NFIX: variants seen among roughly 807,000 people sequenced by gnomAD.
The protein encoded by NFIX is nuclear factor I X, also known as nuclear factor 1 X-type.
NFIX carries 2 observed loss-of-function variants against 53.3 expected under a neutral mutation model. The observed-to-expected ratio is 0.04, with a 90% CI of 0.02 to 0.12. The LOEUF is 0.12. Ranked by LOEUF, NFIX falls within the 10% of genes least tolerant of loss-of-function variation. The pLI is 1.00. For synonymous variants in NFIX, 244 were observed against 289.0 expected (o/e 0.84, Z 1.58); for missense variants, 310 against 674.5 (o/e 0.46, Z 5.99).
In NFIX at chr19:13,089,787, G is replaced by A. The variant is rs556506641; in HGVS notation, c.1403-512G>A. ...GTTGGAGAGGTAGCCTGGCTGGGAA[G>A]GCCTTCCCGAAGCAGGGTGGGGCCG... is the stretch of plus-strand genomic sequence containing the variant. On this transcript the variant is annotated intron_variant, in intron 9 of 10. Transcript: ENST00000592199. The surrounding 1 kb of genome is among the most constrained non-coding windows in gnomAD (Gnocchi z 4.8). Among the ~76,000 whole-genome samples the A allele has an allele frequency of 2.4e-4, 36 of 152,258 alleles. No homozygotes were observed. The highest frequency in any genetic ancestry group is 8.2e-4 in the African/African-American group (34 of 41,566).
chr19:13,002,383 C>T lies in NFIX; in HGVS notation c.27+6519C>T. 6.6e-6 allele frequency among the ~76,000 whole-genome samples: 1 copy of T among 152,050 alleles called. No individual in the cohort carries two copies. The highest frequency in any genetic ancestry group is 6.5e-5 in the Admixed American group (1 of 15,270). ...GGGCTAGCTCCCCAACCCCCCCTTC[C>T]TCACCACCTCCCCCCTCCCGAGGAG... On this transcript the variant is annotated intron_variant, in intron 1 of 10. Transcript: ENST00000592199. This position sits in a 1 kb window ranked among gnomAD's most constrained non-coding sequence, Gnocchi z 6.1.
chr19:13,022,576 C>T lies in NFIX; in HGVS notation c.28-2445C>T, dbSNP rs2012997325. Among the ~76,000 whole-genome samples the T allele has an allele frequency of 6.6e-6, 1 of 151,668 alleles. No homozygotes were observed. Among genetic ancestry groups the T allele is most frequent in the African/African-American group, 2.4e-5 (1 of 41,232 alleles). ...CGGGGAGGAAAACTTCCACTCGCCC[C>T]TGTGTGCTCCATAGGAAGAAAAAAA... On this transcript the variant is annotated intron_variant, in intron 1 of 10. Transcript: ENST00000592199. This position sits in a 1 kb window ranked among gnomAD's most constrained non-coding sequence, Gnocchi z 4.5.
intron 2 of NFIX, among the ~76,000 whole-genome samples, chr19:13,056,451 A>C (rs924986283): frequency 6.6e-5 from 10 of 152,164 alleles, no homozygotes; most frequent in African/African-American, 2.2e-4. Context: ...GGCTGGGCCC[A>C]CATAGGGTGG....
chr19:13,024,539 G>T, intron 1 of NFIX: 5 of 1,527,124 alleles, frequency 3.3e-6, no homozygotes, highest in Non-Finnish European at 4.4e-6. Context: ...GACCAGAGGC[G>T]GCCCCGCACG....
chr19:13,069,530 T>A (rs2016639545), intron 2 of NFIX, among the ~76,000 whole-genome samples: 1 of 152,130 alleles, frequency 6.6e-6, no homozygotes, highest in Non-Finnish European at 1.5e-5. Flanking sequence ...GGGCAGGGGC[T>A]CACTCATGTA....
chr19:13,008,915 G>C (rs1024000222), intron 1 of NFIX, among the ~76,000 whole-genome samples: 2 of 152,216 alleles, frequency 1.3e-5, no homozygotes, highest in African/African-American at 2.4e-5. Context: ...AGGCCCAAGA[G>C]GAAACCGGAG....
At chr19:13,085,886 T>G (rs976898191) in intron 8 of NFIX, among the ~76,000 whole-genome samples, 1 of 152,200 alleles carries the variant, frequency 6.6e-6, no homozygotes, top group Non-Finnish European at 1.5e-5. Context: ...TTAGTGGTAC[T>G]TGAGTGCTGC....
rs746605678 is a variant in NFIX, at chr19:13,024,699, A to G, written c.28-322A>G. 32 of 1,536,390 alleles carry G rather than the reference A, an allele frequency of 2.1e-5. No individual in the cohort carries two copies. Among genetic ancestry groups the G allele is most frequent in the Admixed American group, 1.6e-4 (8 of 50,992 alleles). The stretch of plus-strand genomic sequence containing the variant: ...CAGCAGCGTGTGTGTGTGGACGGCA[A>G]CGTTGTCTGTGCGCGTGTGTGTGAG... On this transcript the variant is annotated intron_variant, in intron 1 of 10. Coordinates refer to ENST00000592199, the MANE Select transcript of NFIX (RefSeq NM_001365902.3).
Position 13,036,723 on chromosome 19 carries a change from G to T in NFIX, c.559+11171G>T, listed in dbSNP as rs112550482. On this transcript the variant is annotated intron_variant, in intron 2 of 10. Coordinates refer to ENST00000592199, the MANE Select transcript of NFIX (RefSeq NM_001365902.3). The surrounding 1 kb of genome is among the most constrained non-coding windows in gnomAD (Gnocchi z 4.7). ...CAGGTGGCCCAGAATACAGACAGGG[G>T]GTGTAATAAGTGTATATCCTCTGGC... 3.1e-3 allele frequency among the ~76,000 whole-genome samples: 466 copies of T among 152,242 alleles called. 2 individuals are homozygous for T. The highest frequency in any genetic ancestry group is 0.011 in the African/African-American group (449 of 41,522).
chr19:12,998,822 G>A lies in NFIX; in HGVS notation c.27+2958G>A, dbSNP rs1020634082. ...TAACACACACGCACCTCTTGAAATG[G>A]GACACGTATATTGGTGTAGGCTTAG... On this transcript the variant is annotated intron_variant, in intron 1 of 10. Transcript: ENST00000592199. The surrounding 1 kb of genome is among the most constrained non-coding windows in gnomAD (Gnocchi z 4.4). 1.3e-5 allele frequency among the ~76,000 whole-genome samples: 2 copies of A among 152,102 alleles called. No individual in the cohort carries two copies. The highest frequency in any genetic ancestry group is 2.4e-5 in the African/African-American group (1 of 41,390).
At chr19:13,044,788 G>A (rs1011706096) in intron 2 of NFIX, among the ~76,000 whole-genome samples, 6 of 152,164 alleles carry the variant, frequency 3.9e-5, no homozygotes, top group Non-Finnish European at 7.4e-5. Flanking sequence ...ATTACAGGGC[G>A]CTGCGTCTCC....
chr19:13,032,357 C>G (rs1162018717), intron 2 of NFIX, among the ~76,000 whole-genome samples: 1 of 152,150 alleles, frequency 6.6e-6, no homozygotes, highest in East Asian at 1.9e-4. Context: ...ATTCATCCTA[C>G]AAACACTTTG....
In NFIX at chr19:13,040,971, G is replaced by A. The variant is rs981618670; in HGVS notation, c.559+15419G>A. 7.2e-5 allele frequency among the ~76,000 whole-genome samples: 11 copies of A among 152,146 alleles called. No homozygotes were observed. Among genetic ancestry groups the A allele is most frequent in the Admixed American group, 6.5e-4 (10 of 15,276 alleles). ...CTAAACCTCTTTCCTCTGGCCCCAT[G>A]TGCCAGTTCTTGACTTTCTCTGAGA... On this transcript the variant is annotated intron_variant, in intron 2 of 10. Transcript: ENST00000592199. The surrounding 1 kb of genome is among the most constrained non-coding windows in gnomAD (Gnocchi z 4.2).
intron 1 of NFIX, among the ~76,000 whole-genome samples, chr19:13,008,176 C>T (rs2012131211): frequency 6.6e-6 from 1 of 152,164 alleles, no homozygotes. Context: ...ACGTACGGCT[C>T]CGATCCTTGG....
intron 1 of NFIX, among the ~76,000 whole-genome samples, chr19:13,019,798 A>C (rs1416025678): frequency 6.7e-6 from 1 of 149,846 alleles, no homozygotes; most frequent in Non-Finnish European, 1.5e-5. Context: ...CCATAATGGC[A>C]GCAAAATCCC....
chr19:13,081,627 C>T lies in NFIX; in HGVS notation c.1079-53C>T. On this transcript the variant is annotated intron_variant, in intron 7 of 10. Coordinates refer to ENST00000592199, the MANE Select transcript of NFIX (RefSeq NM_001365902.3). This position sits in a 1 kb window ranked among gnomAD's most constrained non-coding sequence, Gnocchi z 4.7. ...CTCCCCTCCTCTCCTGTCCCTCCCA[C>T]TGGCTGCCTCCTTGGCCCTGACGCC... The T allele has an allele frequency of 6.3e-7, 1 of 1,578,048 alleles. No homozygotes were observed. Among genetic ancestry groups the T allele is most frequent in the South Asian group, 1.2e-5 (1 of 86,566 alleles).
At position 13,081,650 on chromosome 19, in the gene NFIX, G is replaced by A. The variant is rs543704159; in HGVS notation, c.1079-30G>A. 2.2e-5 allele frequency: 36 copies of A among 1,604,988 alleles called. 1 individual carries two copies. The South Asian group carries it at 2.7e-4, about 12-fold the overall frequency. On this transcript the variant is annotated intron_variant, in intron 7 of 10. Transcript: ENST00000592199. This position sits in a 1 kb window ranked among gnomAD's most constrained non-coding sequence, Gnocchi z 4.7. ...CACTGGCTGCCTCCTTGGCCCTGACGCCCTTTTTTCCCTGCCCACGTGCAT... is the reference window on the plus strand; with the variant it reads ...CACTGGCTGCCTCCTTGGCCCTGACACCCTTTTTTCCCTGCCCACGTGCAT...
chr19:13,056,219 C>G (rs940581406), intron 2 of NFIX, among the ~76,000 whole-genome samples: 11 of 152,188 alleles, frequency 7.2e-5, no homozygotes, highest in Non-Finnish European at 1.2e-4. Context: ...GCACATGACT[C>G]AGGCCCCCCC....
chr19:13,091,253 A>G (rs1181426676), intron 10 of NFIX, among the ~76,000 whole-genome samples: 4 of 151,992 alleles, frequency 2.6e-5, no homozygotes, highest in African/African-American at 9.7e-5. Flanking sequence ...GCCCGGGGAA[A>G]TCCACCTCTC....
Sources: allele counts gnomAD v4.1 joint callset (sites outside exome capture counted in the v4.1 genomes callset), GRCh38; gene constraint gnomAD v4.1.1; non-coding constraint Gnocchi (gnomAD v3.1); transcripts MANE v1.5; gene names NCBI Gene and HGNC (gene_info 2026-07-23, HGNC 2026-07-21).